Variants in TASP1 observed in about 807,000 individuals in gnomAD.
TASP1 encodes the protein taspase 1.
A neutral mutation model predicts 56.6 loss-of-function variants in TASP1; 16 were observed. The ratio of observed to expected loss-of-function variants is 0.28; its 90% CI spans 0.19 to 0.43. The LOEUF (loss-of-function observed/expected upper bound fraction) is 0.43, where lower values mean the gene tolerates loss of function less well. Ranked by LOEUF, TASP1 falls within the 20% of genes least tolerant of loss-of-function variation. The pLI, the probability that TASP1 is intolerant of heterozygous loss-of-function variation, is 1.00. For missense variants in TASP1, 393 were observed against 511.6 expected (o/e 0.77, Z 2.24); for synonymous variants, 179 against 184.2 (o/e 0.97, Z 0.23).
the TASP1 span, among the ~76,000 whole-genome samples, chr20:13,203,357 T>A: frequency 6.6e-6 from 1 of 152,204 alleles, no homozygotes; most frequent in Admixed American, 6.5e-5. Context: ...ATAAATAAAT[T>A]AAAATGAAGT....
At chr20:13,552,388 A>AAAAAC (rs890826961) in intron 8 of TASP1, among the ~76,000 whole-genome samples, 63 of 152,296 alleles carry the variant, frequency 4.1e-4, no homozygotes, top group African/African-American at 1.3e-3. Context: ...AAGGAAAAAC[A>AAAAAC]AAAACAAAAC....
chr20:13,176,863 G>A, the TASP1 span, among the ~76,000 whole-genome samples: 2 of 152,032 alleles, frequency 1.3e-5, no homozygotes, highest in African/African-American at 4.8e-5. Flanking sequence ...ACGTACAATC[G>A]CTACCAAAAA....
the TASP1 span, among the ~76,000 whole-genome samples, chr20:13,306,564 C>CAAAAAAAAAA: frequency 2.0e-4 from 13 of 63,904 alleles, no homozygotes; most frequent in East Asian, 5.3e-4. Flanking sequence ...GGAGAAAGGA[C>CAAAAAAAAAA]AAAAAAAAAA....
chr20:13,345,199 C>T, the TASP1 span, among the ~76,000 whole-genome samples: 1 of 152,220 alleles, frequency 6.6e-6, no homozygotes, highest in Non-Finnish European at 1.5e-5. Flanking sequence ...CTCAGTCCAT[C>T]TACCCTGACC....
chr20:13,387,737 A>G (rs779255646), downstream of TASP1, among the ~76,000 whole-genome samples: 5 of 152,236 alleles, frequency 3.3e-5, no homozygotes, highest in Admixed American at 6.5e-5. Context: ...AGAAATCTCC[A>G]GGCTGCTTTC....
chr20:13,477,296 A>C (rs1179300637), intron 11 of TASP1, among the ~76,000 whole-genome samples: 1 of 152,140 alleles, frequency 6.6e-6, no homozygotes, highest in African/African-American at 2.4e-5. Flanking sequence ...AGCAAAAATC[A>C]CTTTTTAAAA....
At chr20:13,634,722 T>C (rs1039167320) in intron 1 of TASP1, among the ~76,000 whole-genome samples, 31 of 69,820 alleles carry the variant, frequency 4.4e-4, no homozygotes, top group Admixed American at 1.2e-3. Flanking sequence ...AGAGGGAAAC[T>C]CCGTCCAAAA....
At chr20:13,462,112 T>C (rs535110932) in intron 11 of TASP1, among the ~76,000 whole-genome samples, 1 of 152,114 alleles carries the variant, frequency 6.6e-6, no homozygotes, top group African/African-American at 2.4e-5. Context: ...AAAAAATAAA[T>C]CTCTCTGGTT....
the TASP1 span, among the ~76,000 whole-genome samples, chr20:13,316,327 G>A: frequency 6.6e-6 from 1 of 151,870 alleles, no homozygotes; most frequent in Non-Finnish European, 1.5e-5. Flanking sequence ...GAAAGCACTA[G>A]CCCAGGTAGG....
chr20:13,124,579 G>C, the TASP1 span, among the ~76,000 whole-genome samples: 1,177 of 152,176 alleles, frequency 7.7e-3, 14 homozygotes, highest in African/African-American at 0.027. Flanking sequence ...GGGTGAAAGG[G>C]GGGGATTCAG....
the TASP1 span, among the ~76,000 whole-genome samples, chr20:13,210,275 T>G: frequency 6.6e-6 from 1 of 152,210 alleles, no homozygotes; most frequent in African/African-American, 2.4e-5. Context: ...TTGGATTGTT[T>G]CCAGCTGTGA....
At chr20:13,496,727 C>T (rs2043744890) in intron 10 of TASP1, among the ~76,000 whole-genome samples, 1 of 152,122 alleles carries the variant, frequency 6.6e-6, no homozygotes. Context: ...GTCTCACAAG[C>T]CTCCAAAACA....
chr20:13,274,554 T>G, the TASP1 span, among the ~76,000 whole-genome samples: 1 of 152,104 alleles, frequency 6.6e-6, no homozygotes, highest in Middle Eastern at 3.2e-3. Context: ...TCCCCACCCC[T>G]TCAGGCTCTG....
the TASP1 span, among the ~76,000 whole-genome samples, chr20:13,336,253 T>C: frequency 6.6e-6 from 1 of 152,228 alleles, no homozygotes; most frequent in Non-Finnish European, 1.5e-5. Context: ...TTGGCTTTAA[T>C]GGTGTGGCTG....
At chr20:13,243,950 G>A in the TASP1 span, 3 of 152,204 alleles carry the variant, frequency 2.0e-5, no homozygotes, top group Non-Finnish European at 4.4e-5. Context: ...TTTGCTTAGT[G>A]GAATGAGGAT....
chr20:13,402,913 C>T (rs915801274), intron 13 of TASP1, among the ~76,000 whole-genome samples: 12 of 152,186 alleles, frequency 7.9e-5, no homozygotes, highest in Non-Finnish European at 1.2e-4. Flanking sequence ...AAATTTAACA[C>T]AGCTAGTAAG....
In TASP1 at chr20:13,612,847, A is replaced by G. The variant is rs1223338781; in HGVS notation, c.282+10599T>C. On this transcript the variant is annotated intron_variant, in intron 4 of 13. Transcript: ENST00000337743. ...AACAGTAACAAGATAACCAACTCAG[A>G]TATCTGTTCAAGTACCCTGCCCAAG... is the stretch of plus-strand genomic sequence containing the variant. Among the ~76,000 whole-genome samples, 4 of 152,176 alleles carry G rather than the reference A, an allele frequency of 2.6e-5. No individual in the cohort carries two copies. In the East Asian group the frequency reaches 7.7e-4, roughly 29 times the overall value.
At chr20:13,628,979 G>A (rs770861571) in intron 2 of TASP1, among the ~76,000 whole-genome samples, 43 of 152,300 alleles carry the variant, frequency 2.8e-4, no homozygotes, top group Non-Finnish European at 5.9e-4. Flanking sequence ...GCCTACTTAG[G>A]TGTTTCTTAC....
chr20:13,513,075 G>A (rs1453604842), intron 10 of TASP1, among the ~76,000 whole-genome samples: 2 of 152,046 alleles, frequency 1.3e-5, no homozygotes, highest in Non-Finnish European at 2.9e-5. Context: ...GGATTGTCTT[G>A]GCAATGTGGG....
Sources: gnomAD v4.1 joint callset for allele counts (sites outside exome capture counted in the v4.1 genomes callset) on GRCh38, gnomAD v4.1.1 for gene constraint, MANE v1.5 for transcripts, NCBI Gene and HGNC (gene_info 2026-07-23, HGNC 2026-07-21) for gene names.